Variants in ZNF33A observed in about 807,000 individuals in gnomAD.
ZNF33A encodes zinc finger protein 33A.
In ZNF33A, 9 loss-of-function variants were observed where a neutral mutation model predicts 15.9. The ratio of observed to expected loss-of-function variants is 0.57; its 90% CI spans 0.34 to 0.99. The LOEUF is 0.99. Among genes scored for constraint, ZNF33A ranks in the 50% least tolerant of loss-of-function variants. ZNF33A has a pLI of 0.02. For synonymous variants in ZNF33A, 294 were observed against 324.2 expected (o/e 0.91, Z 1.00); for missense variants, 843 against 941.6 (o/e 0.90, Z 1.37).
Position 38,057,381 on chromosome 10 carries a change from T to G in ZNF33A, c.*821T>G, listed in dbSNP as rs1473680788. The G allele has an allele frequency of 1.0e-6, 1 of 985,334 alleles. No individual in the cohort carries two copies. The highest frequency in any genetic ancestry group is 1.2e-6 in the Non-Finnish European group (1 of 829,946). 61.0% of individuals were successfully genotyped at this position (985,334 alleles called of 1,614,324 possible). A position where few individuals can be genotyped will look rare whatever the true frequency, so the allele number is the denominator to read the frequency against. ...AATTGAATAATCAGGGCAATAGCAT[T>G]AAGCACATCTGCGAATTATCCCTGA... is the stretch of plus-strand genomic sequence containing the variant. On this transcript the variant is annotated 3_prime_UTR_variant, in exon 5 of 5. Transcript: ENST00000432900.
At chr10:38,066,925 C>G (rs1669138411), downstream of ZNF33A, among the ~76,000 whole-genome samples, 1 of 152,038 alleles carries the variant, frequency 6.6e-6, no homozygotes, top group African/African-American at 2.4e-5. Flanking sequence ...GAGTGAGACT[C>G]TGTCTCAAAA....
chr10:38,032,837 C>T (rs769765122), intron 4 of ZNF33A, among the ~76,000 whole-genome samples: 1 of 152,118 alleles, frequency 6.6e-6, no homozygotes, highest in African/African-American at 2.4e-5. Flanking sequence ...AACTTCACCT[C>T]CCAGGTTCAA....
intron 4 of ZNF33A, among the ~76,000 whole-genome samples, chr10:38,047,322 A>G (rs563072325): frequency 2.3e-4 from 35 of 151,964 alleles, no homozygotes; most frequent in African/African-American, 6.0e-4. Flanking sequence ...GAGAAAAAAC[A>G]TATGTGAAAA....
At chr10:38,011,076 C>G (rs991129890) in intron 1 of ZNF33A, among the ~76,000 whole-genome samples, 2 of 152,224 alleles carry the variant, frequency 1.3e-5, no homozygotes, top group Admixed American at 1.3e-4. Context: ...GGGCAGTTCT[C>G]TTGTCTAGCC....
chr10:38,037,661 CATT>C (rs1255376001), intron 4 of ZNF33A, among the ~76,000 whole-genome samples: 2 of 152,254 alleles, frequency 1.3e-5, no homozygotes, highest in African/African-American at 4.8e-5. Flanking sequence ...GTGTTGGCAT[CATT>C]GTTGAAAATT....
intron 1 of ZNF33A, 71 bp downstream of exon 1, chr10:38,010,854 C>T: frequency 2.5e-6 from 4 of 1,579,066 alleles, no homozygotes; most frequent in Non-Finnish European, 3.4e-6. Flanking sequence ...CGGCAGGGGG[C>T]CGGTACCAAG....
downstream of ZNF33A, among the ~76,000 whole-genome samples, chr10:38,061,350 G>T (rs2066651934): frequency 6.6e-6 from 1 of 152,168 alleles, no homozygotes; most frequent in Middle Eastern, 3.2e-3. Flanking sequence ...AGATGCACAT[G>T]CATGGTGGCC....
intron 4 of ZNF33A, 67 bp downstream of exon 4, chr10:38,017,453 G>A (rs2064512501): frequency 1.1e-5 from 14 of 1,306,742 alleles, no homozygotes; most frequent in Non-Finnish European, 1.4e-5. Flanking sequence ...TTAATTCAGG[G>A]TTTGGCAACT....
At chr10:38,039,522 C>T in intron 4 of ZNF33A, 1 of 456,080 alleles carries the variant, frequency 2.2e-6, no homozygotes. Context: ...CCACAGCATC[C>T]CACCTGTAAT....
intron 4 of ZNF33A, among the ~76,000 whole-genome samples, chr10:38,020,719 CTTTATCTG>C (rs973886919): frequency 2.0e-5 from 3 of 152,084 alleles, no homozygotes; most frequent in African/African-American, 4.8e-5. Flanking sequence ...ACCACATTTT[CTTTATCTG>C]TTTATCTGTG....
At chr10:38,036,175 T>C (rs1224747447) in intron 4 of ZNF33A, among the ~76,000 whole-genome samples, 1 of 152,092 alleles carries the variant, frequency 6.6e-6, no homozygotes, top group Non-Finnish European at 1.5e-5. Flanking sequence ...TACGTTGGCT[T>C]ATGCTTGTAA....
chr10:38,032,600 G>C (rs896818000), intron 4 of ZNF33A, among the ~76,000 whole-genome samples: 1 of 150,886 alleles, frequency 6.6e-6, no homozygotes, highest in Non-Finnish European at 1.5e-5. Flanking sequence ...CTCCTGAATA[G>C]TTGGGATTAC....
intron 2 of ZNF33A, among the ~76,000 whole-genome samples, chr10:38,013,441 T>A (rs146776801): frequency 6.6e-6 from 1 of 152,070 alleles, no homozygotes; most frequent in African/African-American, 2.4e-5. Context: ...TATTATTATT[T>A]TTTTTGATAC....
chr10:38,027,591 T>C (rs1230307727), intron 4 of ZNF33A, among the ~76,000 whole-genome samples: 4 of 151,850 alleles, frequency 2.6e-5, no homozygotes, highest in African/African-American at 9.7e-5. Context: ...CATCAAGTGA[T>C]CCACCTTGGC....
At position 38,057,235 on chromosome 10, in the gene ZNF33A, G is replaced by C. The variant is rs1156333900; in HGVS notation, c.*675G>C. On this transcript the variant is annotated 3_prime_UTR_variant, in exon 5 of 5. Transcript: ENST00000432900. The stretch of plus-strand genomic sequence containing the variant: ...TGAAAAGGAATCTGAGATCTGTACT[G>C]TATCAGGATTACAAAGGATTTAGCC... 1.0e-6 allele frequency: 1 copy of C among 984,902 alleles called. No homozygotes were observed. The highest frequency in any genetic ancestry group is 1.1e-4 in the East Asian group (1 of 8,826). 61.0% of individuals were successfully genotyped at this position (984,902 alleles called of 1,614,324 possible). A position where few individuals can be genotyped will look rare whatever the true frequency, so the allele number is the denominator to read the frequency against.
rs760384661 is a variant in ZNF33A, at chr10:38,054,412, A to G, written c.288A>G (p.Gln96=). The change falls in exon 5 of 5, where the codon CAA becomes CAG. Residue 96 remains glutamine, a synonymous_variant. Transcript: ENST00000432900. ...WTADHLKERS[Q]ENQSKHLWEV... is the part of the protein sequence containing the mutation. ...CTGATCACCTGAAAGAGAGGAGCCA[A>G]GAAAACCAATCTAAACATTTGTGGG... 5 of 1,591,348 alleles carry G rather than the reference A, an allele frequency of 3.1e-6. No individual in the cohort carries two copies. In the South Asian group the frequency reaches 5.8e-5, roughly 19 times the overall value.
intron 2 of ZNF33A, among the ~76,000 whole-genome samples, chr10:38,014,035 ATTTT>A (rs10658326): frequency 2.5e-5 from 2 of 80,386 alleles, no homozygotes; most frequent in African/African-American, 5.5e-5. Flanking sequence ...ATGATGTCTG[ATTTT>A]TTTTTTTTTT....
At chr10:38,047,667 A>C (rs1361334900) in intron 4 of ZNF33A, among the ~76,000 whole-genome samples, 1 of 143,750 alleles carries the variant, frequency 7.0e-6, no homozygotes, top group Admixed American at 7.0e-5. Flanking sequence ...AAAAAAAAGC[A>C]AGCCCCTGTG....
At chr10:38,021,554 TC>T (rs1271947479) in intron 4 of ZNF33A, among the ~76,000 whole-genome samples, 1 of 152,052 alleles carries the variant, frequency 6.6e-6, no homozygotes, top group Admixed American at 6.6e-5. Context: ...GGTAGGAGAA[TC>T]GCTTGAACTG....
Sources: allele counts gnomAD v4.1 joint callset (sites outside exome capture counted in the v4.1 genomes callset), GRCh38; gene constraint gnomAD v4.1.1; transcripts MANE v1.5; gene names NCBI Gene and HGNC (gene_info 2026-07-23, HGNC 2026-07-21).